The following LRRC4C variants were observed in gnomAD, a reference collection of about 807,000 sequenced individuals.
LRRC4C encodes the protein leucine rich repeat containing 4C, also known as leucine-rich repeat-containing protein 4C.
LRRC4C carries 5 observed loss-of-function variants against 33.6 expected under a neutral mutation model. The observed-to-expected ratio is 0.15, with a 90% CI of 0.08 to 0.31. The LOEUF is 0.31. Ranked by LOEUF, LRRC4C falls within the 10% of genes least tolerant of loss-of-function variation. The pLI, the probability that LRRC4C is intolerant of heterozygous loss-of-function variation, is 1.00. For missense variants in LRRC4C, 560 were observed against 796.7 expected, an observed-to-expected ratio of 0.70 and a Z score of 3.58; for synonymous variants, 329 against 302.0, an observed-to-expected ratio of 1.09 and a Z score of -0.93.
chr11:40,452,361 G>C (rs1951927820), intron 3 of LRRC4C, among the ~76,000 whole-genome samples: 1 of 152,164 alleles, frequency 6.6e-6, no homozygotes, highest in Non-Finnish European at 1.5e-5. Context: ...CCATCAAAAA[G>C]TGGGTGAAGG....
intron 3 of LRRC4C, among the ~76,000 whole-genome samples, chr11:40,367,147 C>A (rs150108130): frequency 2.0e-5 from 3 of 152,146 alleles, no homozygotes; most frequent in Middle Eastern, 3.4e-3. Flanking sequence ...TTTGCCATTG[C>A]ATTTCCAGTG....
In LRRC4C at chr11:40,391,688, T is replaced by C. The variant is rs79823753; in HGVS notation, c.-269-71967A>G. ...GATCATTATAGCATCACAATTTCCC[T>C]GTTTTTACCGGTCAAATGTTGATAA... On this transcript the variant is annotated intron_variant, in intron 3 of 6. Transcript: ENST00000528697. 7.3e-3 allele frequency among the ~76,000 whole-genome samples: 1,111 copies of C among 152,304 alleles called. 13 individuals carry two copies. The highest frequency in any genetic ancestry group is 0.025 in the African/African-American group (1,051 of 41,572).
Position 40,934,855 on chromosome 11 carries a change from A to G in LRRC4C, c.-495-1132T>C, listed in dbSNP as rs563391132. ...TACACATTTAGAGTGCTAATAAGCT[A>G]TTTATATTTAGAATATCCCAAAGGG... On this transcript the variant is annotated intron_variant, in intron 1 of 6. Coordinates refer to ENST00000528697, the MANE Select transcript of LRRC4C (RefSeq NM_001258419.2). Among the ~76,000 whole-genome samples the G allele has an allele frequency of 1.3e-4, 20 of 152,260 alleles. No homozygotes were observed. In the South Asian group the frequency reaches 3.5e-3, roughly 27 times the overall value.
At chr11:40,349,054 G>C (rs1003705179) in intron 3 of LRRC4C, among the ~76,000 whole-genome samples, 1 of 152,032 alleles carries the variant, frequency 6.6e-6, no homozygotes, top group African/African-American at 2.4e-5. Flanking sequence ...ATCACCTCAA[G>C]CATTTATTAT....
intron 2 of LRRC4C, among the ~76,000 whole-genome samples, chr11:40,706,350 A>T (rs1214924402): frequency 6.6e-6 from 1 of 152,136 alleles, no homozygotes; most frequent in Non-Finnish European, 1.5e-5. Flanking sequence ...TAGGGCTAAC[A>T]TTTAAGTCTT....
intron 3 of LRRC4C, among the ~76,000 whole-genome samples, chr11:40,420,928 C>T (rs891929498): frequency 2.0e-5 from 3 of 152,224 alleles, no homozygotes; most frequent in African/African-American, 4.8e-5. Context: ...ATTAACACTA[C>T]CATGGCTATC....
intron 4 of LRRC4C, among the ~76,000 whole-genome samples, chr11:40,286,253 T>G (rs1355394091): frequency 6.6e-6 from 1 of 152,172 alleles, no homozygotes; most frequent in African/African-American, 2.4e-5. Context: ...AATAGAAGTA[T>G]GTGAATGTAG....
intron 4 of LRRC4C, among the ~76,000 whole-genome samples, chr11:40,288,488 C>T (rs1943990324): frequency 6.6e-6 from 1 of 152,168 alleles, no homozygotes; most frequent in Non-Finnish European, 1.5e-5. Context: ...TACAGTAGAA[C>T]TCCTTTTCTC....
At chr11:40,918,928 A>G (rs1454458236) in intron 2 of LRRC4C, among the ~76,000 whole-genome samples, 1 of 152,164 alleles carries the variant, frequency 6.6e-6, no homozygotes, top group African/African-American at 2.4e-5. Flanking sequence ...CATCAGCATT[A>G]TCAAAGTGGC....
At chr11:40,170,529 AC>A (rs755987846) in intron 5 of LRRC4C, among the ~76,000 whole-genome samples, 19 of 152,306 alleles carry the variant, frequency 1.2e-4, no homozygotes, top group Middle Eastern at 6.8e-3. Flanking sequence ...TCTAGAAATA[AC>A]CAGAGAGGGA....
chr11:41,323,228 T>C (rs908624320), intron 1 of LRRC4C, among the ~76,000 whole-genome samples: 5 of 152,124 alleles, frequency 3.3e-5, no homozygotes, highest in African/African-American at 1.2e-4. Flanking sequence ...CCACTGAATG[T>C]TACATCAGTA....
At chr11:40,385,941 C>A (rs545687056) in intron 3 of LRRC4C, among the ~76,000 whole-genome samples, 1 of 150,612 alleles carries the variant, frequency 6.6e-6, no homozygotes, top group East Asian at 1.9e-4. Flanking sequence ...TTATCGAGTC[C>A]TATGTTCACT....
chr11:41,436,105 G>C (rs1955417365), intron 1 of LRRC4C, among the ~76,000 whole-genome samples: 1 of 152,190 alleles, frequency 6.6e-6, no homozygotes, highest in African/African-American at 2.4e-5. Flanking sequence ...TGGGAAGGCT[G>C]AGGCAGGAGA....
chr11:41,181,138 T>C (rs1188296966), intron 1 of LRRC4C, among the ~76,000 whole-genome samples: 1 of 152,318 alleles, frequency 6.6e-6, no homozygotes, highest in Admixed American at 6.5e-5. Flanking sequence ...TCAAAATGTT[T>C]TCTTCTGTGG....
intron 2 of LRRC4C, among the ~76,000 whole-genome samples, chr11:40,664,824 C>T (rs533451358): frequency 3.9e-5 from 6 of 151,930 alleles, no homozygotes; most frequent in East Asian, 3.9e-4. Flanking sequence ...GTGCACAACA[C>T]GCATGTTTTT....
intron 2 of LRRC4C, among the ~76,000 whole-genome samples, chr11:40,764,664 C>T (rs1459228668): frequency 5.3e-5 from 8 of 152,146 alleles, no homozygotes; most frequent in Non-Finnish European, 8.8e-5. Flanking sequence ...GGGTGAGACC[C>T]AGTGCAGTCC....
intron 1 of LRRC4C, among the ~76,000 whole-genome samples, chr11:41,019,895 T>A (rs534415757): frequency 2.0e-5 from 3 of 152,192 alleles, no homozygotes; most frequent in Non-Finnish European, 2.9e-5. Flanking sequence ...ATGTTTAAGT[T>A]GCTTGTAAAT....
chr11:40,387,534 A>T (rs1016385665), intron 3 of LRRC4C, among the ~76,000 whole-genome samples: 1 of 152,146 alleles, frequency 6.6e-6, no homozygotes, highest in African/African-American at 2.4e-5. Context: ...TTTTTTCCTT[A>T]TATTGTTTCA....
intron 1 of LRRC4C, among the ~76,000 whole-genome samples, chr11:41,437,318 C>T (rs1345329688): frequency 6.6e-6 from 1 of 152,120 alleles, no homozygotes; most frequent in Non-Finnish European, 1.5e-5. Context: ...CTATCATTTA[C>T]CTTTTCCAAT....
Sources: gnomAD v4.1 joint callset for allele counts (sites outside exome capture counted in the v4.1 genomes callset) on GRCh38, gnomAD v4.1.1 for gene constraint, MANE v1.5 for transcripts, NCBI Gene and HGNC (gene_info 2026-07-23, HGNC 2026-07-21) for gene names.